MBP: variants seen among roughly 807,000 people sequenced by gnomAD.
MBP encodes myelin basic protein.
MBP carries 16 observed loss-of-function variants against 35.8 expected under a neutral mutation model. That is an observed-to-expected ratio of 0.45 (90% CI 0.30 to 0.68). The LOEUF (loss-of-function observed/expected upper bound fraction) is 0.68, where lower values mean the gene tolerates loss of function less well. Among genes scored for constraint, MBP ranks in the 30% least tolerant of loss-of-function variants. The pLI, the probability that MBP is intolerant of heterozygous loss-of-function variation, is 0.08. For synonymous variants in MBP, 143 were observed against 159.6 expected, an observed-to-expected ratio of 0.90 and a Z score of 0.78; for missense variants, 380 against 404.7, an observed-to-expected ratio of 0.94 and a Z score of 0.52.
chr18:77,039,169 G>A (rs1404669432), intron 3 of MBP, among the ~76,000 whole-genome samples: 1 of 152,242 alleles, frequency 6.6e-6, no homozygotes, highest in Admixed American at 6.5e-5. Context: ...AGGTGCACAA[G>A]CAGAGGCTCC....
At position 76,988,317 on chromosome 18, in the gene MBP, C is replaced by T. The variant is rs1241684163; in HGVS notation, c.750+178G>A. 2 of 1,574,600 alleles carry T rather than the reference C, an allele frequency of 1.3e-6. No homozygotes were observed. The highest frequency in any genetic ancestry group is 8.6e-7 in the Non-Finnish European group (1 of 1,159,948). On this transcript the variant is annotated intron_variant, in intron 7 of 8. Coordinates refer to ENST00000355994, the MANE Select transcript of MBP (RefSeq NM_001025101.2). The surrounding 1 kb of genome is among the most constrained non-coding windows in gnomAD (Gnocchi z 5.2). ...GACCAGACCTTCCGGAAGGGAAGAC[C>T]ACGTTTCATTTCCCCAGTGGAAGAC...
Position 77,044,338 on chromosome 18 carries a change from C to A in MBP, c.139+21960G>T, listed in dbSNP as rs1405639212. ...TTCAACTGTCCTCCAAGCTTCAGGTCCACCGTGACCTCCCCCAACTCTGCT... is the reference window on the plus strand; with the variant it reads ...TTCAACTGTCCTCCAAGCTTCAGGTACACCGTGACCTCCCCCAACTCTGCT... On this transcript the variant is annotated intron_variant, in intron 3 of 8. Coordinates refer to ENST00000355994, the MANE Select transcript of MBP (RefSeq NM_001025101.2). The surrounding 1 kb of genome is among the most constrained non-coding windows in gnomAD (Gnocchi z 4.4). Among the ~76,000 whole-genome samples, 1 of 152,154 alleles carries A rather than the reference C, an allele frequency of 6.6e-6. No homozygotes were observed. The highest frequency in any genetic ancestry group is 1.5e-5 in the Non-Finnish European group (1 of 68,026).
intron 3 of MBP, among the ~76,000 whole-genome samples, chr18:77,033,793 T>TCCATCCAC (rs56663795): frequency 0.13 from 19,090 of 143,622 alleles, 1,463 homozygotes; most frequent in African/African-American, 0.2. Context: ...CATCCATCCA[T>TCCATCCAC]CCACCCACTC....
intron 2 of MBP, among the ~76,000 whole-genome samples, chr18:77,091,414 AT>A (rs1376628422): frequency 6.6e-6 from 1 of 152,176 alleles, no homozygotes; most frequent in Non-Finnish European, 1.5e-5. Flanking sequence ...ATTTATAATT[AT>A]ATGATAATTA....
At chr18:76,987,409 T>C in intron 7 of MBP, 1 of 985,428 alleles carries the variant, frequency 1.0e-6, no homozygotes, top group South Asian at 4.7e-5. Context: ...ATGGAAAACG[T>C]TTCGGTAAAT....
intron 3 of MBP, among the ~76,000 whole-genome samples, chr18:77,035,158 C>T (rs1335854747): frequency 6.6e-6 from 1 of 152,158 alleles, no homozygotes; most frequent in Non-Finnish European, 1.5e-5. Flanking sequence ...GCCCAGGTTT[C>T]CTCTGCTTCT....
At chr18:77,057,230 G>A (rs1973761150) in intron 3 of MBP, among the ~76,000 whole-genome samples, 1 of 152,184 alleles carries the variant, frequency 6.6e-6, no homozygotes, top group Admixed American at 6.5e-5. Flanking sequence ...CAAGGAACCA[G>A]CTGCGGTCTC....
chr18:77,012,619 T>A (rs1334792157), intron 4 of MBP, among the ~76,000 whole-genome samples: 1 of 152,024 alleles, frequency 6.6e-6, no homozygotes, highest in Non-Finnish European at 1.5e-5. Context: ...AGCAGATGAG[T>A]GAGCAACTGT....
At chr18:76,986,552 G>A (rs920159613) in intron 7 of MBP, 35 of 985,514 alleles carry the variant, frequency 3.6e-5, no homozygotes, top group South Asian at 4.7e-5. Flanking sequence ...AGCTGCTTTC[G>A]TGTGAACAGT....
chr18:76,979,826 C>T lies in MBP; in HGVS notation c.*601G>A. 7.9e-6 allele frequency: 5 copies of T among 633,120 alleles called. No individual in the cohort carries two copies. In the South Asian group the frequency reaches 9.3e-5, roughly 12 times the overall value. The allele number at this position is 633,120 out of a possible 1,614,324, so 39.2% of individuals were successfully genotyped here. A position where few individuals can be genotyped will look rare whatever the true frequency, so the allele number is the denominator to read the frequency against. The stretch of plus-strand genomic sequence containing the variant: ...GGGAGGTGGCCCCCTCTCTGTGCTG[C>T]CCCACGTTGGACTCTAACAGCTGCC... On this transcript the variant is annotated 3_prime_UTR_variant, in exon 9 of 9. Coordinates refer to ENST00000355994, the MANE Select transcript of MBP (RefSeq NM_001025101.2).
intron 4 of MBP, among the ~76,000 whole-genome samples, chr18:76,990,370 G>A (rs1475211510): frequency 6.6e-6 from 1 of 151,928 alleles, no homozygotes; most frequent in Non-Finnish European, 1.5e-5. Context: ...CTCGGTGGGT[G>A]GAAAATTACT....
At chr18:77,083,667 T>C (rs35033872) in intron 2 of MBP, among the ~76,000 whole-genome samples, 23,461 of 152,230 alleles carry the variant, frequency 0.15, 1,887 homozygotes, top group East Asian at 0.22. Context: ...TTTAATATAA[T>C]AGATAAAAAA....
In MBP at chr18:77,052,141, C is replaced by T. The variant is rs563039823; in HGVS notation, c.139+14157G>A. Among the ~76,000 whole-genome samples, 5 of 152,280 alleles carry T rather than the reference C, an allele frequency of 3.3e-5. No homozygotes were observed. In the East Asian group the frequency reaches 5.8e-4, roughly 18 times the overall value. ...TTCCTCCGATGTGCCCAAGTCCACC[C>T]GACCAGGAACGGGGGAAGGAGCGGG... On this transcript the variant is annotated intron_variant, in intron 3 of 8. Coordinates refer to ENST00000355994, the MANE Select transcript of MBP (RefSeq NM_001025101.2).
intron 3 of MBP, among the ~76,000 whole-genome samples, chr18:77,024,990 T>C (rs1309873160): frequency 1.3e-5 from 2 of 152,206 alleles, no homozygotes; most frequent in African/African-American, 4.8e-5. Context: ...AGGGCATTCC[T>C]GAGCAGATTG....
intron 1 of MBP, chr18:77,108,377 T>C (rs1976344199): frequency 6.6e-6 from 1 of 152,240 alleles, no homozygotes; most frequent in African/African-American, 2.4e-5. Flanking sequence ...CAGCTGACTC[T>C]GAAGCATCTC....
intron 2 of MBP, among the ~76,000 whole-genome samples, chr18:77,095,889 C>T (rs903753189): frequency 3.9e-5 from 6 of 152,210 alleles, no homozygotes; most frequent in African/African-American, 1.4e-4. Flanking sequence ...GGCCTGAGGA[C>T]ACCTCCGTCA....
At chr18:77,132,258 G>A (rs1977306521) in intron 1 of MBP, among the ~76,000 whole-genome samples, 1 of 152,116 alleles carries the variant, frequency 6.6e-6, no homozygotes, top group East Asian at 2.0e-4. Context: ...GTCGGGCCCC[G>A]GCGCTGTAAA....
At chr18:77,000,950 GAA>G (rs1216470618) in intron 4 of MBP, among the ~76,000 whole-genome samples, 1 of 151,964 alleles carries the variant, frequency 6.6e-6, no homozygotes, top group Non-Finnish European at 1.5e-5. Flanking sequence ...CAATTAATTT[GAA>G]AAAAGATTAA....
chr18:77,009,892 G>T (rs771687969), intron 4 of MBP: 2 of 1,596,406 alleles, frequency 1.3e-6, no homozygotes, highest in African/African-American at 1.3e-5. Context: ...GGCATGAGAG[G>T]GCAGAGGGCT....
Sources: allele counts gnomAD v4.1 joint callset (sites outside exome capture counted in the v4.1 genomes callset), GRCh38; gene constraint gnomAD v4.1.1; non-coding constraint Gnocchi (gnomAD v3.1); transcripts MANE v1.5; gene names NCBI Gene and HGNC (gene_info 2026-07-23, HGNC 2026-07-21).